The following CCDC87 variants were observed in gnomAD, a reference collection of about 807,000 sequenced individuals.
CCDC87 encodes coiled-coil domain containing 87, also known as coiled-coil domain-containing protein 87.
For missense variants in CCDC87, 1,072 were observed against 1,041.7 expected, an observed-to-expected ratio of 1.03 and a Z score of -0.40; for synonymous variants, 434 against 440.2, an observed-to-expected ratio of 0.99 and a Z score of 0.18.
chr11:66,591,030 C>T lies in CCDC87; in HGVS notation c.1986G>A (p.Arg662=). ...EWDWNTVLEH[R]LGAGKTPHLG... The stretch of plus-strand genomic sequence containing the variant: ...GGTGGGGTGTCTTCCCAGCTCCTAG[C>T]CTGTGCTCTAGCACAGTGTTCCAAT... Residue 662 remains arginine (R), a synonymous_variant, in exon 1 of 1, where the codon AGG becomes AGA. Coordinates refer to ENST00000333861, the MANE Select transcript of CCDC87 (RefSeq NM_018219.3). 6.2e-7 allele frequency: 1 copy of T among 1,614,128 alleles called. No homozygotes were observed. The highest frequency in any genetic ancestry group is 8.5e-7 in the Non-Finnish European group (1 of 1,180,046).
In CCDC87 at chr11:66,592,866, C is replaced by T; in HGVS notation, c.150G>A (p.Leu50=). The change falls in exon 1 of 1, where the codon CTG becomes CTA. Residue 50 remains leucine, a synonymous_variant. Transcript: ENST00000333861. ...QEGRILQSFP[L]AKLTVASLCS... ...ACAGCGACGCCACCGTCAGCTTCGC[C>T]AGAGGGAAGGACTGCAGAATCCGGC... 6.4e-7 allele frequency: 1 copy of T among 1,570,704 alleles called. No homozygotes were observed. The highest frequency in any genetic ancestry group is 8.6e-7 in the Non-Finnish European group (1 of 1,158,322).
rs1858397318 is a variant in CCDC87 at position 66,592,774 on chromosome 11, A to C, written c.242T>G (p.Leu81Arg). 1 of 1,613,008 alleles carries C rather than the reference A, an allele frequency of 6.2e-7. No individual in the cohort carries two copies. The highest frequency in any genetic ancestry group is 8.5e-7 in the Non-Finnish European group (1 of 1,179,662). ...GTCCAGGATGACCTTGATGAGACGTAGTCGGGCCTCAGGAGGCACTCCCGC... is the reference window on the plus strand; with the variant it reads ...GTCCAGGATGACCTTGATGAGACGTCGTCGGGCCTCAGGAGGCACTCCCGC... ...IAAGVPPEAR[L>R]RLIKVILDEL... Residue 81 changes from leucine to arginine, a missense_variant, in exon 1 of 1, where the codon CTA becomes CGA. Coordinates refer to ENST00000333861, the MANE Select transcript of CCDC87 (RefSeq NM_018219.3).
rs151116563 is a variant in CCDC87 at position 66,591,194 on chromosome 11, A to C, written c.1822T>G (p.Phe608Val). The part of the protein sequence containing the change: ...FKYLTNHETD[F>V]LHVIFQMHEE... ...TGCATTTGAAAGATGACATGAAGGA[A>C]ATCTGTTTCATGGTTGGTGAGGTAC... The change falls in exon 1 of 1, where the codon TTC becomes GTC. Residue 608 changes from phenylalanine to valine, a missense_variant. Physicochemically the swap from Phe to Val is conservative, Grantham distance 50 (BLOSUM62 -1). Coordinates refer to ENST00000333861, the MANE Select transcript of CCDC87 (RefSeq NM_018219.3). 7.4e-5 allele frequency: 119 copies of C among 1,614,110 alleles called. No individual in the cohort carries two copies. Among genetic ancestry groups the C allele is most frequent in the Non-Finnish European group, 9.6e-5 (113 of 1,180,036 alleles).
rs564852028 is a variant in CCDC87 at position 66,592,745 on chromosome 11, G to A, written c.271C>T (p.Leu91=). The A allele has an allele frequency of 6.2e-6, 10 of 1,613,788 alleles. No individual in the cohort carries two copies. The highest frequency in any genetic ancestry group is 2.7e-5 in the African/African-American group (2 of 74,948). The change falls in exon 1 of 1, where the codon CTG becomes TTG. Residue 91 remains leucine, a synonymous_variant. Coordinates refer to ENST00000333861, the MANE Select transcript of CCDC87 (RefSeq NM_018219.3). ...LRLIKVILDE[L]KCSWREPPAE... ...GGCGGCTCCCGCCAGCTGCACTTCAGCTCGTCCAGGATGACCTTGATGAGA... is the reference window on the plus strand; with the variant it reads ...GGCGGCTCCCGCCAGCTGCACTTCAACTCGTCCAGGATGACCTTGATGAGA...
At position 66,590,322 on chromosome 11, in the gene CCDC87, C is replaced by A; in HGVS notation, c.*144G>T. 1 of 634,872 alleles carries A rather than the reference C, an allele frequency of 1.6e-6. No homozygotes were observed. The allele number at this position is 634,872 out of a possible 1,614,324, so 39.3% of individuals were successfully genotyped here. A position where few individuals can be genotyped will look rare whatever the true frequency, so the allele number is the denominator to read the frequency against. On this transcript the variant is annotated 3_prime_UTR_variant, in exon 1 of 1. Transcript: ENST00000333861. ...TAGTTGGAAGCATAATGTTCCTGAA[C>A]CCTCCACTCCCAGATATAGACAAAT...
Position 66,592,439 on chromosome 11 carries a change from C to A in CCDC87, c.577G>T (p.Asp193Tyr). Residue 193 changes from aspartate to tyrosine, a missense_variant, in exon 1 of 1, where the codon GAC becomes TAC. Coordinates refer to ENST00000333861, the MANE Select transcript of CCDC87 (RefSeq NM_018219.3). Reference sequence around the variant, plus strand: ...GCGGGGCAGACAGGGTGCAGCTTGTCCACATCCCCAGAGGCCTGCTCTGCC... The same window carrying A: ...GCGGGGCAGACAGGGTGCAGCTTGTACACATCCCCAGAGGCCTGCTCTGCC... ...LRAEQASGDV[D>Y]KLHPVCPAGT... The A allele has an allele frequency of 6.2e-7, 1 of 1,613,912 alleles. No individual in the cohort carries two copies. Among genetic ancestry groups the A allele is most frequent in the African/African-American group, 1.3e-5 (1 of 75,038 alleles).
Position 66,592,155 on chromosome 11 carries a change from G to C in CCDC87, c.861C>G (p.Pro287=). 1.3e-6 allele frequency: 2 copies of C among 1,587,808 alleles called. No individual in the cohort carries two copies. Among genetic ancestry groups the C allele is most frequent in the Non-Finnish European group, 1.7e-6 (2 of 1,166,902 alleles). The change falls in exon 1 of 1, where the codon CCC becomes CCG. Residue 287 remains proline, a synonymous_variant. Coordinates refer to ENST00000333861, the MANE Select transcript of CCDC87 (RefSeq NM_018219.3). ...TGCTGGTGGGGGCCACAGGATAGCT[G>C]GGCAGCGACACCATCTGTGAGGAAC... is the stretch of plus-strand genomic sequence containing the variant. ...DISSSQMVSL[P]SYPVAPTSRA...
Position 66,590,911 on chromosome 11 carries a change from G to T in CCDC87, c.2105C>A (p.Thr702Asn), listed in dbSNP as rs1289306725. 9 of 1,613,610 alleles carry T rather than the reference G, an allele frequency of 5.6e-6. No homozygotes were observed. Among genetic ancestry groups the T allele is most frequent in the Non-Finnish European group, 7.6e-6 (9 of 1,180,046 alleles). Residue 702 changes from threonine to asparagine, a missense_variant, in exon 1 of 1, where the codon ACC becomes AAC. Transcript: ENST00000333861. ...GCGGGCTTTGGAGCTATATTTAATG[G>T]TCATGTCCACCTGGTCCTTGTCAGG... ...EVPDKDQVDM[T>N]IKYSSKARLR...
At position 66,591,933 on chromosome 11, in the gene CCDC87, T is replaced by A; in HGVS notation, c.1083A>T (p.Ile361=). 1 of 1,613,866 alleles carries A rather than the reference T, an allele frequency of 6.2e-7. No homozygotes were observed. Among genetic ancestry groups the A allele is most frequent in the Non-Finnish European group, 8.5e-7 (1 of 1,180,036 alleles). ...LIVAEDLKQL[I]KKMKLEGTRY... Reference sequence around the variant, plus strand: ...GAGTCCCCTCCAACTTCATCTTCTTTATCAACTGCTTCAGATCCTCAGCCA... The same window carrying A: ...GAGTCCCCTCCAACTTCATCTTCTTAATCAACTGCTTCAGATCCTCAGCCA... Residue 361 remains isoleucine (I), a synonymous_variant, in exon 1 of 1, where the codon ATA becomes ATT. Coordinates refer to ENST00000333861, the MANE Select transcript of CCDC87 (RefSeq NM_018219.3).
chr11:66,592,526 G>A lies in CCDC87; in HGVS notation c.490C>T (p.Leu164Phe). 1 of 1,613,464 alleles carries A rather than the reference G, an allele frequency of 6.2e-7. No individual in the cohort carries two copies. Among genetic ancestry groups the A allele is most frequent in the Non-Finnish European group, 8.5e-7 (1 of 1,180,036 alleles). ...LAASLARDCT[L>F]FLTSPNVYRG... ...TAGACGTTGGGACTAGTAAGGAAGA[G>A]TGTGCAGTCCCTGGCGAGGCTGGCG... is the stretch of plus-strand genomic sequence containing the variant. The change falls in exon 1 of 1, where the codon CTC becomes TTC. Residue 164 changes from leucine to phenylalanine, a missense_variant. Coordinates refer to ENST00000333861, the MANE Select transcript of CCDC87 (RefSeq NM_018219.3).
chr11:66,592,367 A>T lies in CCDC87; in HGVS notation c.649T>A (p.Phe217Ile). 4 of 1,614,174 alleles carry T rather than the reference A, an allele frequency of 2.5e-6. No individual in the cohort carries two copies. The highest frequency in any genetic ancestry group is 3.4e-6 in the Non-Finnish European group (4 of 1,180,024). ...AGGTTAGAGCACTGCACTTGGGCGAAGCCAGTGCTGTGAGGCCAGGGGATA... is the reference window on the plus strand; with the variant it reads ...AGGTTAGAGCACTGCACTTGGGCGATGCCAGTGCTGTGAGGCCAGGGGATA... ...CPIPWPHSTG[F>I]AQVQCSNLNL... Residue 217 changes from phenylalanine to isoleucine, a missense_variant, in exon 1 of 1, where the codon TTC becomes ATC. Phe to Ile is a conservative substitution (Grantham distance 21). Coordinates refer to ENST00000333861, the MANE Select transcript of CCDC87 (RefSeq NM_018219.3).
chr11:66,591,534 G>A lies in CCDC87; in HGVS notation c.1482C>T (p.Val494=). 2 of 1,614,148 alleles carry A rather than the reference G, an allele frequency of 1.2e-6. No homozygotes were observed. The highest frequency in any genetic ancestry group is 1.1e-5 in the South Asian group (1 of 91,074). The stretch of plus-strand genomic sequence containing the variant: ...AGACATGGCTCATCAACTCCTTGTA[G>A]ACCTCCCTGGTAGTACTGCCAACAA... The part of the protein sequence containing the change: ...DNFVGSTTRE[V]YKELMSHVSS... The change falls in exon 1 of 1, where the codon GTC becomes GTT. Residue 494 remains valine, a synonymous_variant. Coordinates refer to ENST00000333861, the MANE Select transcript of CCDC87 (RefSeq NM_018219.3).
chr11:66,592,673 G>A lies in CCDC87; in HGVS notation c.343C>T (p.Arg115Trp). The stretch of plus-strand genomic sequence containing the variant: ...CTCAGCAGCACGTAGGCCTCGAGCC[G>A]CTTCCGCAGCTTCTGGTTGTTTTTG... ...SHKNNQKLRK[R>W]LEAYVLLSSE... The change falls in exon 1 of 1, where the codon CGG (arginine) becomes TGG (tryptophan). Residue 115 changes from arginine (R) to tryptophan (W), a missense_variant. Transcript: ENST00000333861. The A allele has an allele frequency of 6.2e-7, 1 of 1,614,062 alleles. No homozygotes were observed. The highest frequency in any genetic ancestry group is 8.5e-7 in the Non-Finnish European group (1 of 1,180,020).
At position 66,592,018 on chromosome 11, in the gene CCDC87, C is replaced by T. The variant is rs150996648; in HGVS notation, c.998G>A (p.Arg333His). ...DELGLPPLPS[R>H]PLTPLVLATE... ...AGCCAAGACCAGCGGGGTTAAGGGG[C>T]GAGATGGGAGTGGAGGAAGGCCCAA... The change falls in exon 1 of 1, where the codon CGC becomes CAC. Residue 333 changes from arginine (R) to histidine (H), a missense_variant. By Grantham distance (29) the Arg-to-His change is conservative. Transcript: ENST00000333861. 0.013 allele frequency: 21,638 copies of T among 1,613,776 alleles called. 192 individuals are homozygous for T. Among genetic ancestry groups the T allele is most frequent in the Middle Eastern group, 0.019 (116 of 6,062 alleles).
In CCDC87 at chr11:66,590,760, G is replaced by A; in HGVS notation, c.2256C>T (p.Phe752=). The change falls in exon 1 of 1, where the codon TTC becomes TTT. Residue 752 remains phenylalanine, a synonymous_variant. Coordinates refer to ENST00000333861, the MANE Select transcript of CCDC87 (RefSeq NM_018219.3). ...GACTGGAGCTCAAGTTGGTCTTTTTGAAGAAGCGGTTGGGATTGGAAGCTT... is the reference window on the plus strand; with the variant it reads ...GACTGGAGCTCAAGTTGGTCTTTTTAAAGAAGCGGTTGGGATTGGAAGCTT... ...EGQASNPNRF[F]KKTNLSSSHF... is the part of the protein sequence containing the mutation. 6.2e-7 allele frequency: 1 copy of A among 1,612,856 alleles called. No homozygotes were observed. The highest frequency in any genetic ancestry group is 2.2e-5 in the East Asian group (1 of 44,886).
rs766048349 is a variant in CCDC87, at chr11:66,593,017, G to A, written c.-2C>T. On this transcript the variant is annotated 5_prime_UTR_variant, in exon 1 of 1. Transcript: ENST00000333861. ...CTCGGGCTTCGGGGGCTCCATCATA[G>A]AGCCGGCGGCCGCCACCGTCCAGGA... 130 of 1,509,352 alleles carry A rather than the reference G, an allele frequency of 8.6e-5. No homozygotes were observed. Among genetic ancestry groups the A allele is most frequent in the Non-Finnish European group, 1.1e-4 (119 of 1,131,504 alleles). The allele number at this position is 1,509,352 out of a possible 1,614,324, so 93.5% of individuals were successfully genotyped here.
chr11:66,590,519 G>A lies in CCDC87; in HGVS notation c.2497C>T (p.Leu833=), dbSNP rs1233577681. 6.2e-7 allele frequency: 1 copy of A among 1,613,898 alleles called. No individual in the cohort carries two copies. The part of the protein sequence containing the change: ...QRRVRHLVSA[L]KDPHQSTLFR... Reference sequence around the variant, plus strand: ...AGGGTTGACTGGTGGGGATCCTTCAGGGCCGAGACCAGGTGGCGAACCCGC... The same window carrying A: ...AGGGTTGACTGGTGGGGATCCTTCAAGGCCGAGACCAGGTGGCGAACCCGC... Residue 833 remains leucine, a synonymous_variant, in exon 1 of 1, where the codon CTG becomes TTG. Transcript: ENST00000333861.
At position 66,592,038 on chromosome 11, in the gene CCDC87, G is replaced by GC; in HGVS notation, c.977dup (p.Leu327ProfsTer29). 1 of 1,613,536 alleles carries GC rather than the reference G, an allele frequency of 6.2e-7. No homozygotes were observed. The highest frequency in any genetic ancestry group is 8.5e-7 in the Non-Finnish European group (1 of 1,179,808). ...AGGGGCGAGATGGGAGTGGAGGAAG[G>GC]CCCAACTCATCTGCCAGCCTCCAGC... is the stretch of plus-strand genomic sequence containing the variant. On this transcript the variant is annotated frameshift_variant, in exon 1 of 1. Coordinates refer to ENST00000333861, the MANE Select transcript of CCDC87 (RefSeq NM_018219.3). LOFTEE classifies it low-confidence loss of function (END_TRUNC).
Position 66,593,005 on chromosome 11 carries a change from G to T in CCDC87, c.11C>A (p.Pro4His), listed in dbSNP as rs1446690159. 5 of 1,512,842 alleles carry T rather than the reference G, an allele frequency of 3.3e-6. No individual in the cohort carries two copies. Among genetic ancestry groups the T allele is most frequent in the Non-Finnish European group, 3.5e-6 (4 of 1,133,202 alleles). The allele number at this position is 1,512,842 out of a possible 1,614,324, so 93.7% of individuals were successfully genotyped here. ...CTGGAGCTCAGGCTCGGGCTTCGGGGGCTCCATCATAGAGCCGGCGGCCGC... is the reference window on the plus strand; with the variant it reads ...CTGGAGCTCAGGCTCGGGCTTCGGGTGCTCCATCATAGAGCCGGCGGCCGC... MME[P>H]PKPEPELQRF... The change falls in exon 1 of 1, where the codon CCC (proline) becomes CAC (histidine). Residue 4 changes from proline to histidine, a missense_variant. By Grantham distance (77) the Pro-to-His change is moderately conservative. Coordinates refer to ENST00000333861, the MANE Select transcript of CCDC87 (RefSeq NM_018219.3).
Sources: allele counts gnomAD v4.1 joint callset, GRCh38; gene constraint gnomAD v4.1.1; transcripts MANE v1.5; gene names NCBI Gene and HGNC (gene_info 2026-07-23, HGNC 2026-07-21).